PABPC1L: variants seen among roughly 807,000 people sequenced by gnomAD.
PABPC1L encodes the protein poly(A) binding protein cytoplasmic 1 like.
Under a neutral mutation model 66.6 loss-of-function variants are expected in PABPC1L, and 31 were observed. The ratio of observed to expected loss-of-function variants is 0.47; its 90% confidence interval spans 0.35 to 0.63. The LOEUF (loss-of-function observed/expected upper bound fraction) is 0.63, where lower values mean the gene tolerates loss of function less well. Ranked by LOEUF, PABPC1L falls within the 20% of genes least tolerant of loss-of-function variation. The pLI is 0.00. For synonymous variants in PABPC1L, 348 were observed against 335.1 expected, an observed-to-expected ratio of 1.04 and a Z score of -0.42; for missense variants, 722 against 848.8, an observed-to-expected ratio of 0.85 and a Z score of 1.86.
chr20:44,930,768 GC>G (rs2066847071), intron 8 of PABPC1L, 42 bp downstream of exon 8: 1 of 1,593,492 alleles, frequency 6.3e-7, no homozygotes. Context: ...CTTCCCCCCT[GC>G]CCCAGCAAGG....
rs188101390 is a variant in PABPC1L, at chr20:44,935,748, T to C, written c.1566+251T>C. 3.0e-4 allele frequency among the ~76,000 whole-genome samples: 45 copies of C among 152,326 alleles called. 1 individual carries two copies. Among genetic ancestry groups the C allele is most frequent in the Admixed American group, 2.5e-3 (38 of 15,296 alleles). ...ATTTGGATATCCTTAGTATTTGTGA[T>C]GAACACCAAGGAAAGGTATTCTAAG... is the stretch of plus-strand genomic sequence containing the variant. On this transcript the variant is annotated intron_variant, in intron 11 of 14. Transcript: ENST00000217073.
At chr20:44,922,027 A>C (rs1026626936) in intron 6 of PABPC1L, among the ~76,000 whole-genome samples, 7 of 152,158 alleles carry the variant, frequency 4.6e-5, no homozygotes, top group African/African-American at 1.4e-4. Context: ...TCCCAGTTGC[A>C]TCCTCTAGTC....
intron 7 of PABPC1L, 37 bp downstream of exon 7, chr20:44,924,293 C>T: frequency 9.4e-6 from 14 of 1,483,396 alleles, no homozygotes; most frequent in Middle Eastern, 3.6e-4. Flanking sequence ...ACAGCGTTCC[C>T]CTCCATCCTC....
chr20:44,917,361 A>T (rs1224616713), intron 3 of PABPC1L, among the ~76,000 whole-genome samples: 18 of 130,634 alleles, frequency 1.4e-4, no homozygotes, highest in African/African-American at 2.6e-4. Flanking sequence ...TAATTTTTTG[A>T]TTTTTTTTTT....
At chr20:44,913,153 GTTC>G (rs1422235442) in intron 2 of PABPC1L, among the ~76,000 whole-genome samples, 4 of 152,226 alleles carry the variant, frequency 2.6e-5, no homozygotes, top group African/African-American at 7.2e-5. Context: ...CAGCTGGGCA[GTTC>G]TTCTGGTCTT....
chr20:44,939,166 G>A lies in PABPC1L; in HGVS notation c.*47G>A, dbSNP rs898760503. 5 of 717,952 alleles carry A rather than the reference G, an allele frequency of 7.0e-6. No individual in the cohort carries two copies. Among genetic ancestry groups the A allele is most frequent in the Non-Finnish European group, 1.0e-5 (4 of 385,232 alleles). The allele number at this position is 717,952 out of a possible 1,614,324, so 44.5% of individuals were successfully genotyped here. ...CTTCCATGGCTGCCAAAAGGACAGT[G>A]TTTCTGGCTCTCAGCCCTAAGGCCC... On this transcript the variant is annotated 3_prime_UTR_variant, in exon 15 of 15. Transcript: ENST00000217073.
intron 7 of PABPC1L, among the ~76,000 whole-genome samples, chr20:44,928,864 C>CAAAAAAAAAAAA (rs10597679): frequency 0.017 from 898 of 53,862 alleles, no homozygotes; most frequent in Middle Eastern, 0.048. Flanking sequence ...GATCCTGACT[C>CAAAAAAAAAAAA]AAAAAAAAAA....
At position 44,916,808 on chromosome 20, in the gene PABPC1L, C is replaced by T. The variant is rs930674313; in HGVS notation, c.440C>T (p.Thr147Ile). The change falls in exon 3 of 15, where the codon ACC (threonine) becomes ATC (isoleucine). Residue 147 changes from threonine (T) to isoleucine (I), a missense_variant. Thr to Ile is a moderately conservative substitution (Grantham distance 89). Around this residue, in one of 3 missense-constraint regions of PABPC1L, gnomAD observed 284 missense variants for 294.8 expected, o/e 0.96. Coordinates refer to ENST00000217073, the MANE Select transcript of PABPC1L (RefSeq NM_001372179.1). ...SRGFGFVHFE[T>I]HEAAQQAINT... ...GGTTTCGGCTTTGTCCATTTTGAGA[C>T]CCATGAGGCCGCACAGCAGGCCATC... 1 of 1,614,178 alleles carries T rather than the reference C, an allele frequency of 6.2e-7. No individual in the cohort carries two copies. The highest frequency in any genetic ancestry group is 1.3e-5 in the African/African-American group (1 of 75,048).
At chr20:44,934,535 A>G (rs1306592528) in intron 10 of PABPC1L, among the ~76,000 whole-genome samples, 2 of 152,182 alleles carry the variant, frequency 1.3e-5, no homozygotes, top group African/African-American at 4.8e-5. Flanking sequence ...TGTCTCTGTG[A>G]ATTTGACTGT....
chr20:44,913,236 G>A (rs2066716592), intron 2 of PABPC1L, among the ~76,000 whole-genome samples: 1 of 152,158 alleles, frequency 6.6e-6, no homozygotes, highest in African/African-American at 2.4e-5. Flanking sequence ...GGGAGCGACT[G>A]GCTGTCAGCT....
intron 6 of PABPC1L, among the ~76,000 whole-genome samples, chr20:44,923,101 C>G (rs2066785563): frequency 1.3e-5 from 2 of 152,212 alleles, no homozygotes. Flanking sequence ...TACATTCATA[C>G]ACTGTTGTGT....
rs1426500369 is a variant in PABPC1L at position 44,921,716 on chromosome 20, G to T, written c.861G>T (p.Arg287=). 6.2e-7 allele frequency: 1 copy of T among 1,613,380 alleles called. No individual in the cohort carries two copies. Among genetic ancestry groups the T allele is most frequent in the Admixed American group, 1.7e-5 (1 of 59,914 alleles). The change falls in exon 6 of 15, where the codon CGG becomes CGT. Residue 287 remains arginine (R), a synonymous_variant. Coordinates refer to ENST00000217073, the MANE Select transcript of PABPC1L (RefSeq NM_001372179.1). ...GGTTTGAGCAGATGAAGCAGGACCG[G>T]CTGAGGCGTTACCAGGTGAGGTCAG... ...KRRFEQMKQD[R]LRRYQGVNLY... is the part of the protein sequence containing the mutation.
chr20:44,927,351 A>AT lies in PABPC1L; in HGVS notation c.973-3096dup, dbSNP rs1044185993. 5.2e-4 allele frequency among the ~76,000 whole-genome samples: 73 copies of AT among 139,048 alleles called. No homozygotes were observed. The South Asian group carries it at 8.6e-3, about 16-fold the overall frequency. 91.2% of individuals were successfully genotyped at this position (139,048 alleles called of 152,430 possible). On this transcript the variant is annotated intron_variant, in intron 7 of 14. Coordinates refer to ENST00000217073, the MANE Select transcript of PABPC1L (RefSeq NM_001372179.1). ...CAGAAGTTCTTAACAATATATATATATTTTTTTTTTTTTGAGATGGAGTTT... is the reference window on the plus strand; with the variant it reads ...CAGAAGTTCTTAACAATATATATATATTTTTTTTTTTTTTGAGATGGAGTTT...
chr20:44,915,836 G>A (rs976484865), intron 2 of PABPC1L, among the ~76,000 whole-genome samples: 15 of 150,932 alleles, frequency 9.9e-5, no homozygotes, highest in African/African-American at 3.7e-4. Flanking sequence ...TGAGTCTGTT[G>A]TTGCAGTAAT....
chr20:44,936,137 A>AT (rs1034132200), intron 11 of PABPC1L, among the ~76,000 whole-genome samples: 9 of 151,726 alleles, frequency 5.9e-5, no homozygotes, highest in African/African-American at 2.4e-5. Flanking sequence ...AATTTTGTGT[A>AT]TTTTTTTGTA....
chr20:44,938,539 T>G, intron 13 of PABPC1L, 135 bp from the exon 14 acceptor site: 1 of 995,250 alleles, frequency 1.0e-6, no homozygotes, highest in Non-Finnish European at 1.5e-6. Context: ...CAGTGGTGGA[T>G]GGGAGGGTTC....
At chr20:44,910,386 C>A in intron 1 of PABPC1L, 50 bp downstream of exon 1, 2 of 1,437,992 alleles carry the variant, frequency 1.4e-6, no homozygotes, top group Non-Finnish European at 1.8e-6. Context: ...GACAAGCAGG[C>A]GGACAGACAG....
chr20:44,937,074 G>A lies in PABPC1L; in HGVS notation c.1660+344G>A, dbSNP rs149038977. 745 of 472,832 alleles carry A rather than the reference G, an allele frequency of 1.6e-3. 1 individual carries two copies. Among genetic ancestry groups the A allele is most frequent in the Non-Finnish European group, 2.4e-3 (569 of 235,474 alleles). The allele number at this position is 472,832 out of a possible 1,614,324, so 29.3% of individuals were successfully genotyped here. ...CTGAGAAATGGCTTGTAGGTGGGGG[G>A]TTAAAGTTCCTCACACCTCTCCTGA... On this transcript the variant is annotated intron_variant, in intron 12 of 14. Transcript: ENST00000217073.
intron 3 of PABPC1L, among the ~76,000 whole-genome samples, 157 bp from the exon 4 acceptor site, chr20:44,918,749 G>A (rs1036131553): frequency 2.0e-5 from 3 of 152,214 alleles, no homozygotes; most frequent in Admixed American, 1.3e-4. Flanking sequence ...GGAGGTAGCC[G>A]GGCCTTGGGG....
Sources: gnomAD v4.1 joint callset for allele counts (sites outside exome capture counted in the v4.1 genomes callset) on GRCh38, gnomAD v4.1.1 for gene constraint, gnomAD v4.1.1 regional missense constraint, MANE v1.5 for transcripts, NCBI Gene and HGNC (gene_info 2026-07-23, HGNC 2026-07-21) for gene names.